Variants in NLGN1 observed in about 807,000 individuals in gnomAD.
The protein encoded by NLGN1 is neuroligin-1.
A neutral mutation model predicts 65.5 loss-of-function variants in NLGN1; 12 were observed. That is an observed-to-expected ratio of 0.18 (90% CI 0.12 to 0.30). The LOEUF is 0.30. NLGN1 is among the 10% of genes least tolerant of loss of function. The pLI is 1.00. For synonymous variants in NLGN1, 350 were observed against 359.5 expected (o/e 0.97, Z 0.30); for missense variants, 750 against 1,007.1 (o/e 0.74, Z 3.46).
At chr3:173,944,124 G>GTTGTGTGTGTGTGTGTGTGTGT (rs34721217) in intron 4 of NLGN1, among the ~76,000 whole-genome samples, 7 of 139,596 alleles carry the variant, frequency 5.0e-5, no homozygotes, top group African/African-American at 1.9e-4. Flanking sequence ...TAATATTATG[G>GTTGTGTGTGTGTGTGTGTGTGT]GTGTGTGTGT....
rs1186347835 is a variant in NLGN1, at chr3:173,433,872, G to T, written c.-389-1138G>T. ...TATAATTAGTATTTATGGGAAACAA[G>T]TTGCTTAAATAAAAGTGTCCCTAAA... On this transcript the variant is annotated intron_variant, in intron 1 of 6. Transcript: ENST00000457714. Among the ~76,000 whole-genome samples, 19 of 152,102 alleles carry T rather than the reference G, an allele frequency of 1.2e-4. 1 individual carries two copies. The highest frequency in any genetic ancestry group is 1.2e-3 in the Admixed American group (19 of 15,264).
chr3:173,724,098 C>T (rs1771347349), intron 3 of NLGN1, among the ~76,000 whole-genome samples: 2 of 152,124 alleles, frequency 1.3e-5, no homozygotes, highest in South Asian at 4.1e-4. Flanking sequence ...GTGAACTTCA[C>T]TATTCGACAT....
chr3:173,970,469 T>C (rs561471822), intron 4 of NLGN1, among the ~76,000 whole-genome samples: 105 of 152,008 alleles, frequency 6.9e-4, no homozygotes, highest in Middle Eastern at 3.4e-3. Flanking sequence ...AGTCCAGATG[T>C]TTTATGGGTA....
At chr3:173,942,392 G>T (rs1746317724) in intron 4 of NLGN1, among the ~76,000 whole-genome samples, 1 of 152,072 alleles carries the variant, frequency 6.6e-6, no homozygotes, top group South Asian at 2.1e-4. Context: ...GTGTAAACTT[G>T]CAGTGTATCA....
Position 173,645,721 on chromosome 3 carries a change from G to A in NLGN1, c.493+40630G>A, listed in dbSNP as rs1375689682. On this transcript the variant is annotated intron_variant, in intron 3 of 6. Coordinates refer to ENST00000457714, the Ensembl canonical transcript of NLGN1. ...AGCATTCCAGGGGATGGAGGAGGAG[G>A]TAATCCAGTATTAGAGACTCATGGA... 3.9e-5 allele frequency among the ~76,000 whole-genome samples: 6 copies of A among 152,162 alleles called. No individual in the cohort carries two copies. In the South Asian group the frequency reaches 1.2e-3, roughly 32 times the overall value.
chr3:173,531,572 C>CACACACACACACAT (rs952819067), intron 2 of NLGN1, among the ~76,000 whole-genome samples: 6 of 151,766 alleles, frequency 4.0e-5, no homozygotes, highest in African/African-American at 1.5e-4. Context: ...AATACACACA[C>CACACACACACACAT]ACACACACAC....
chr3:174,141,063 C>T (rs111777195), intron 4 of NLGN1, among the ~76,000 whole-genome samples: 3 of 152,134 alleles, frequency 2.0e-5, no homozygotes, highest in African/African-American at 7.2e-5. Flanking sequence ...TTAATGGCTT[C>T]TTAGCTCATC....
At chr3:173,605,224 CG>C in intron 3 of NLGN1, 133 bp downstream of exon 2, 1 of 704,260 alleles carries the variant, frequency 1.4e-6, no homozygotes, top group African/African-American at 1.8e-5. Flanking sequence ...ATTTTACATG[CG>C]TGCATGGTGC....
intron 4 of NLGN1, among the ~76,000 whole-genome samples, chr3:173,891,665 A>G (rs1395141223): frequency 1.3e-5 from 2 of 152,150 alleles, no homozygotes. Context: ...GCACAACTCT[A>G]AAACTTACCA....
chr3:173,727,945 C>A (rs945650366), intron 3 of NLGN1, among the ~76,000 whole-genome samples: 2 of 152,042 alleles, frequency 1.3e-5, no homozygotes, highest in African/African-American at 4.8e-5. Flanking sequence ...GTGAATGGAT[C>A]AGATCATAAA....
chr3:173,676,208 T>C (rs1763151300), intron 3 of NLGN1, among the ~76,000 whole-genome samples: 1 of 152,094 alleles, frequency 6.6e-6, no homozygotes, highest in Non-Finnish European at 1.5e-5. Context: ...CATGCTGCTC[T>C]TCCTTGTTTT....
chr3:173,670,177 A>AGGTGCCT (rs149486691), intron 3 of NLGN1, among the ~76,000 whole-genome samples: 2,815 of 152,272 alleles, frequency 0.018, 42 homozygotes, highest in Non-Finnish European at 0.029. Flanking sequence ...CTGAGAACAT[A>AGGTGCCT]GGTGCCTGGT....
chr3:173,554,837 T>C (rs1424336168), intron 2 of NLGN1, among the ~76,000 whole-genome samples: 1 of 152,214 alleles, frequency 6.6e-6, no homozygotes, highest in Non-Finnish European at 1.5e-5. Flanking sequence ...TTTAGGTTCA[T>C]TTATTATGAA....
chr3:173,603,441 C>T (rs972447235), intron 2 of NLGN1, among the ~76,000 whole-genome samples: 15 of 73,180 alleles, frequency 2.0e-4, no homozygotes, highest in African/African-American at 5.0e-4. Context: ...TTGTAATCTT[C>T]CTTTGATCTC....
chr3:173,459,611 C>T (rs548045725), intron 2 of NLGN1, among the ~76,000 whole-genome samples: 6 of 151,980 alleles, frequency 3.9e-5, no homozygotes, highest in Admixed American at 1.3e-4. Flanking sequence ...AAGTTTTTTC[C>T]GGGTTCACAT....
intron 4 of NLGN1, among the ~76,000 whole-genome samples, chr3:174,251,912 A>G (rs1744834872): frequency 6.6e-6 from 1 of 152,156 alleles, no homozygotes; most frequent in African/African-American, 2.4e-5. Context: ...GCAGAAAAAA[A>G]AGAAAACTGG....
At chr3:174,004,623 A>C (rs1334309370) in intron 4 of NLGN1, among the ~76,000 whole-genome samples, 1 of 152,168 alleles carries the variant, frequency 6.6e-6, no homozygotes, top group Non-Finnish European at 1.5e-5. Flanking sequence ...CTGTGGATCT[A>C]TGTTGGCTTC....
chr3:173,994,069 G>T (rs927270244), intron 4 of NLGN1, among the ~76,000 whole-genome samples: 4 of 152,014 alleles, frequency 2.6e-5, no homozygotes, highest in African/African-American at 9.6e-5. Context: ...AACTTTTATG[G>T]AAAAATAACC....
At chr3:173,563,195 G>A (rs984522177) in intron 2 of NLGN1, among the ~76,000 whole-genome samples, 1 of 152,202 alleles carries the variant, frequency 6.6e-6, no homozygotes, top group African/African-American at 2.4e-5. Flanking sequence ...ACATGAGCTG[G>A]CCTGTAGCTT....
Sources: gnomAD v4.1 joint callset for allele counts (sites outside exome capture counted in the v4.1 genomes callset) on GRCh38, gnomAD v4.1.1 for gene constraint, MANE v1.5 for transcripts, NCBI Gene and HGNC (gene_info 2026-07-23, HGNC 2026-07-21) for gene names.